CRHR1: variants seen among roughly 807,000 people sequenced by gnomAD.
CRHR1 encodes the protein corticotropin-releasing hormone receptor 1.
CRHR1 carries 28 observed loss-of-function variants against 56.0 expected under a neutral mutation model. The ratio of observed to expected loss-of-function variants is 0.50; its 90% confidence interval spans 0.37 to 0.69. The LOEUF (loss-of-function observed/expected upper bound fraction) is 0.69, where lower values mean the gene tolerates loss of function less well. CRHR1 is among the 30% of genes least tolerant of loss of function. The pLI is 0.00. For missense variants in CRHR1, 376 were observed against 548.0 expected, an observed-to-expected ratio of 0.69 and a Z score of 3.13; for synonymous variants, 195 against 216.5, an observed-to-expected ratio of 0.90 and a Z score of 0.87.
At chr17:45,823,370 T>G (rs925824646) in intron 4 of CRHR1, among the ~76,000 whole-genome samples, 53 of 151,084 alleles carry the variant, frequency 3.5e-4, no homozygotes, top group African/African-American at 1.2e-3. Context: ...AGGGGAATGA[T>G]TCACACAAGG....
chr17:45,806,958 C>T (rs2061731106), intron 1 of CRHR1, 52 bp from the exon 2 acceptor site: 3 of 1,538,290 alleles, frequency 2.0e-6, no homozygotes, highest in East Asian at 4.5e-5. Context: ...GAGCAACATG[C>T]TCATGGCTCA....
rs145147685 is a variant in CRHR1, at chr17:45,807,961, T to G, written c.121+864T>G. 5.3e-3 allele frequency among the ~76,000 whole-genome samples: 810 copies of G among 152,222 alleles called. 12 individuals are homozygous for G. The highest frequency in any genetic ancestry group is 0.019 in the African/African-American group (786 of 41,522). Reference sequence around the variant, plus strand: ...GCCTAGGGCATGTCTTTTAAAACTTTGGGTGTGGTCCTGGGCATGGCTGCT... The same window carrying G: ...GCCTAGGGCATGTCTTTTAAAACTTGGGGTGTGGTCCTGGGCATGGCTGCT... On this transcript the variant is annotated intron_variant, in intron 2 of 12. Transcript: ENST00000314537.
intron 2 of CRHR1, 151 bp from the exon 3 acceptor site, chr17:45,816,312 C>T: frequency 9.6e-7 from 1 of 1,044,980 alleles, no homozygotes; most frequent in Non-Finnish European, 1.4e-6. Flanking sequence ...AGGATGAGCT[C>T]ATTTCTGCAC....
intron 10 of CRHR1, 31 bp from the exon 11 acceptor site, chr17:45,833,683 A>G (rs767650889): frequency 6.3e-7 from 1 of 1,599,318 alleles, no homozygotes; most frequent in East Asian, 2.2e-5. Context: ...GTGGGCTGTG[A>G]CTCCGAGCCT....
chr17:45,801,339 T>C (rs1056798649), intron 1 of CRHR1, among the ~76,000 whole-genome samples: 7 of 152,202 alleles, frequency 4.6e-5, no homozygotes, highest in Admixed American at 4.6e-4. Context: ...TCCCAGCTCC[T>C]AAAAACAGTT....
intron 4 of CRHR1, chr17:45,825,403 C>T (rs1598438641): frequency 6.5e-6 from 1 of 154,680 alleles, no homozygotes; most frequent in South Asian, 2.0e-4. Flanking sequence ...CTGTTCACTC[C>T]CTTCCCCACC....
At chr17:45,809,359 G>T (rs2061777123) in intron 2 of CRHR1, among the ~76,000 whole-genome samples, 1 of 152,214 alleles carries the variant, frequency 6.6e-6, no homozygotes, top group African/African-American at 2.4e-5. Context: ...GGCTGGGCCT[G>T]AGAGGAAAGG....
intron 1 of CRHR1, among the ~76,000 whole-genome samples, chr17:45,786,359 C>A (rs1171173780): frequency 6.6e-6 from 1 of 152,074 alleles, no homozygotes; most frequent in Non-Finnish European, 1.5e-5. Flanking sequence ...GAATGGCCAG[C>A]GAATGCTGGT....
chr17:45,803,320 C>T (rs1382342846), intron 1 of CRHR1, among the ~76,000 whole-genome samples: 1 of 152,180 alleles, frequency 6.6e-6, no homozygotes, highest in Non-Finnish European at 1.5e-5. Flanking sequence ...AGTGGAATGT[C>T]AGGCAATGGG....
Position 45,784,667 on chromosome 17 carries a change from G to C in CRHR1, c.33+90G>C, listed in dbSNP as rs1261358067. 9 of 1,323,704 alleles carry C rather than the reference G, an allele frequency of 6.8e-6. No individual in the cohort carries two copies. Among genetic ancestry groups the C allele is most frequent in the Non-Finnish European group, 8.0e-6 (8 of 998,536 alleles). 82.0% of individuals were successfully genotyped at this position (1,323,704 alleles called of 1,614,324 possible). ...GCTGGGCTGTGGGTGTGATGGGGGC[G>C]GGGGCGCTGGGAGAGCCGTGCTTAG... On this transcript the variant is annotated intron_variant, in intron 1 of 12. Transcript: ENST00000314537. The surrounding 1 kb of genome is among the most constrained non-coding windows in gnomAD (Gnocchi z 4.2).
intron 1 of CRHR1, among the ~76,000 whole-genome samples, chr17:45,790,852 G>T (rs772474112): frequency 3.3e-5 from 5 of 152,216 alleles, no homozygotes; most frequent in South Asian, 2.1e-4. Flanking sequence ...GGTAGTGGGG[G>T]CTATCAGGAA....
intron 2 of CRHR1, among the ~76,000 whole-genome samples, chr17:45,807,880 G>T (rs766600711): frequency 6.6e-6 from 1 of 152,176 alleles, no homozygotes; most frequent in Non-Finnish European, 1.5e-5. Flanking sequence ...AACCCCCATG[G>T]CACCATGCAG....
chr17:45,831,088 CTCAT>C, intron 8 of CRHR1, 148 bp downstream of exon 8: 1 of 778,480 alleles, frequency 1.3e-6, no homozygotes, highest in Non-Finnish European at 2.1e-6. Flanking sequence ...GGGGGCTGGA[CTCAT>C]TCAGAGGGTC....
intron 4 of CRHR1, among the ~76,000 whole-genome samples, chr17:45,828,422 T>A (rs1464828694): frequency 6.6e-6 from 1 of 152,246 alleles, no homozygotes; most frequent in Non-Finnish European, 1.5e-5. Context: ...CCCTGATGGT[T>A]TAAGACGATA....
intron 1 of CRHR1, among the ~76,000 whole-genome samples, chr17:45,796,268 C>T (rs138728946): frequency 0.012 from 1,889 of 152,320 alleles, 20 homozygotes; most frequent in Non-Finnish European, 0.02. Flanking sequence ...TCACAGCTAA[C>T]AGCTCCCAGG....
At chr17:45,823,689 C>T (rs1404854083) in intron 4 of CRHR1, among the ~76,000 whole-genome samples, 1 of 152,182 alleles carries the variant, frequency 6.6e-6, no homozygotes, top group Non-Finnish European at 1.5e-5. Flanking sequence ...AGGTATCTGG[C>T]GTGAAACAAA....
chr17:45,823,313 T>C (rs1303707275), intron 4 of CRHR1, among the ~76,000 whole-genome samples: 1 of 151,208 alleles, frequency 6.6e-6, no homozygotes, highest in Non-Finnish European at 1.5e-5. Flanking sequence ...AACTCTAATC[T>C]AGTGCGACCC....
At chr17:45,787,365 C>T (rs2061355241) in intron 1 of CRHR1, among the ~76,000 whole-genome samples, 1 of 152,146 alleles carries the variant, frequency 6.6e-6, no homozygotes, top group South Asian at 2.1e-4. Flanking sequence ...TGGCTGTAAA[C>T]ATGGGTCCCA....
At chr17:45,807,270 G>A (rs966227355) in intron 2 of CRHR1, among the ~76,000 whole-genome samples, 173 bp downstream of exon 2, 1 of 152,256 alleles carries the variant, frequency 6.6e-6, no homozygotes, top group African/African-American at 2.4e-5. Flanking sequence ...GTGTTGAGAA[G>A]GATCCTGAGG....
Sources: allele counts gnomAD v4.1 joint callset (sites outside exome capture counted in the v4.1 genomes callset), GRCh38; gene constraint gnomAD v4.1.1; non-coding constraint Gnocchi (gnomAD v3.1); transcripts MANE v1.5; gene names NCBI Gene and HGNC (gene_info 2026-07-23, HGNC 2026-07-21).